Variants in ZBTB7C observed in about 807,000 individuals in gnomAD.
The protein encoded by ZBTB7C is zinc finger and BTB domain containing 7C.
A neutral mutation model predicts 25.7 loss-of-function variants in ZBTB7C; 8 were observed. That is an observed-to-expected ratio of 0.31 (90% CI 0.18 to 0.56). The LOEUF is 0.56. ZBTB7C is among the 20% of genes least tolerant of loss of function. The probability of loss-of-function intolerance (pLI) is 0.91; values close to 1 mark genes in which losing one functional copy is unlikely to be tolerated. For missense variants in ZBTB7C, 824 were observed against 855.2 expected (o/e 0.96, Z 0.46); for synonymous variants, 394 against 369.0 (o/e 1.07, Z -0.78).
intron 1 of ZBTB7C, among the ~76,000 whole-genome samples, chr18:48,379,744 TC>T (rs2047595289): frequency 6.6e-6 from 1 of 151,960 alleles, no homozygotes; most frequent in South Asian, 2.1e-4. Context: ...AAGACATGTA[TC>T]CAAAATATTC....
At chr18:48,269,260 G>A (rs563260148) in intron 2 of ZBTB7C, among the ~76,000 whole-genome samples, 120 of 152,206 alleles carry the variant, frequency 7.9e-4, no homozygotes, top group Non-Finnish European at 1.1e-3. Flanking sequence ...CGCCATGCCC[G>A]GCCTGCTCTG....
chr18:48,232,197 C>A (rs779169311), intron 2 of ZBTB7C, among the ~76,000 whole-genome samples: 1 of 152,190 alleles, frequency 6.6e-6, no homozygotes, highest in Non-Finnish European at 1.5e-5. Flanking sequence ...TCCAAGGATC[C>A]TGAGACAATG....
At chr18:48,073,823 A>G (rs2037650178) in intron 3 of ZBTB7C, among the ~76,000 whole-genome samples, 1 of 151,832 alleles carries the variant, frequency 6.6e-6, no homozygotes, top group Non-Finnish European at 1.5e-5. Flanking sequence ...TTGCTCCCCG[A>G]GTTTCTGCAC....
chr18:48,226,332 A>G (rs2043091541), intron 2 of ZBTB7C, among the ~76,000 whole-genome samples: 1 of 152,178 alleles, frequency 6.6e-6, no homozygotes, highest in Non-Finnish European at 1.5e-5. Context: ...TGACAACCTC[A>G]AATGGCTAAC....
chr18:48,386,261 A>C (rs915728865), intron 1 of ZBTB7C, among the ~76,000 whole-genome samples: 1 of 152,206 alleles, frequency 6.6e-6, no homozygotes, highest in Non-Finnish European at 1.5e-5. Context: ...CATCACTAAT[A>C]GCAAGAATCT....
intron 2 of ZBTB7C, among the ~76,000 whole-genome samples, chr18:48,311,259 G>A (rs916585877): frequency 2.0e-5 from 3 of 152,180 alleles, no homozygotes; most frequent in African/African-American, 7.2e-5. Flanking sequence ...GAGGGCACAT[G>A]ACTTGTCTTG....
At chr18:48,153,088 T>C (rs952002068) in intron 3 of ZBTB7C, among the ~76,000 whole-genome samples, 1 of 152,238 alleles carries the variant, frequency 6.6e-6, no homozygotes, top group East Asian at 1.9e-4. Flanking sequence ...ACCCCATCTT[T>C]GTCTTCCACA....
At chr18:48,252,187 C>T (rs770827459) in intron 2 of ZBTB7C, 5 of 152,164 alleles carry the variant, frequency 3.3e-5, no homozygotes, top group African/African-American at 4.8e-5. Flanking sequence ...TGGGAGACTG[C>T]GTTACAAAGC....
intron 3 of ZBTB7C, among the ~76,000 whole-genome samples, chr18:48,167,597 T>TGTGTGC (rs779870966): frequency 6.1e-5 from 9 of 148,160 alleles, no homozygotes; most frequent in African/African-American, 1.7e-4. Flanking sequence ...TGTGTGTGTG[T>TGTGTGC]GCGCGCGTGC....
chr18:48,348,102 T>A (rs913218017), intron 1 of ZBTB7C, among the ~76,000 whole-genome samples: 5 of 152,220 alleles, frequency 3.3e-5, no homozygotes, highest in Non-Finnish European at 7.3e-5. Flanking sequence ...CAAGGCTAAC[T>A]CACTGCAGTC....
chr18:48,126,629 T>C lies in ZBTB7C; in HGVS notation c.-17+59305A>G, dbSNP rs1005982367. Among the ~76,000 whole-genome samples the C allele has an allele frequency of 2.6e-5, 4 of 152,206 alleles. No homozygotes were observed. The East Asian group carries it at 5.8e-4, about 22-fold the overall frequency. ...CATTGTGATGAACCAGGCTTGTTAT[T>C]TGAATGGCATGTGACACTTCCATTG... On this transcript the variant is annotated intron_variant, in intron 3 of 4. Transcript: ENST00000590800.
At chr18:48,288,402 C>T (rs1430358552) in intron 2 of ZBTB7C, among the ~76,000 whole-genome samples, 2 of 151,704 alleles carry the variant, frequency 1.3e-5, no homozygotes, top group East Asian at 3.9e-4. Flanking sequence ...TAATCCCCCA[C>T]TTTGGGAGGC....
At chr18:48,286,875 AC>A (rs1370290258) in intron 2 of ZBTB7C, among the ~76,000 whole-genome samples, 1 of 151,966 alleles carries the variant, frequency 6.6e-6, no homozygotes, top group Non-Finnish European at 1.5e-5. Context: ...AACACGGCAA[AC>A]CCCCCTCTTG....
At position 48,212,933 on chromosome 18, in the gene ZBTB7C, T is replaced by C. The variant is rs183338831; in HGVS notation, c.-78-26938A>G. ...GGCCAGCCTGGACCACTACTATGTG[T>C]GGGGGCTACAAAACTCCTCAAACCC... On this transcript the variant is annotated intron_variant, in intron 2 of 4. Coordinates refer to ENST00000590800, the MANE Select transcript of ZBTB7C (RefSeq NM_001318841.2). Among the ~76,000 whole-genome samples the C allele has an allele frequency of 1.3e-4, 20 of 152,290 alleles. No homozygotes were observed. In the East Asian group the frequency reaches 3.9e-3, roughly 29 times the overall value.
chr18:48,272,914 T>C (rs949988097), intron 2 of ZBTB7C, among the ~76,000 whole-genome samples: 12 of 152,196 alleles, frequency 7.9e-5, no homozygotes, highest in African/African-American at 1.4e-4. Flanking sequence ...GGCTACATAT[T>C]GTATGATTCT....
chr18:48,348,187 A>G (rs1467855557), intron 1 of ZBTB7C, among the ~76,000 whole-genome samples: 2 of 152,220 alleles, frequency 1.3e-5, no homozygotes, highest in Admixed American at 1.3e-4. Flanking sequence ...TGGGGATGTT[A>G]CACACTGTTA....
At chr18:48,411,342 C>T (rs2145356884), upstream of ZBTB7C, among the ~76,000 whole-genome samples, 1 of 152,290 alleles carries the variant, frequency 6.6e-6, no homozygotes, top group South Asian at 2.1e-4. Flanking sequence ...TATCGTGGAA[C>T]CTAAGGTATG....
chr18:48,178,776 TCTC>T (rs1036836265), intron 3 of ZBTB7C, among the ~76,000 whole-genome samples: 14 of 152,114 alleles, frequency 9.2e-5, no homozygotes, highest in African/African-American at 2.4e-4. Flanking sequence ...TCCATTCTGT[TCTC>T]CTGCTTGTAA....
intron 2 of ZBTB7C, among the ~76,000 whole-genome samples, chr18:48,311,813 C>G (rs2045827659): frequency 6.6e-6 from 1 of 152,172 alleles, no homozygotes; most frequent in Admixed American, 6.5e-5. Context: ...TTTTCTTCAT[C>G]AATAAGATAA....
Sources: allele counts gnomAD v4.1 joint callset (sites outside exome capture counted in the v4.1 genomes callset), GRCh38; gene constraint gnomAD v4.1.1; transcripts MANE v1.5; gene names NCBI Gene and HGNC (gene_info 2026-07-23, HGNC 2026-07-21).